RCOR3: variants seen among roughly 807,000 people sequenced by gnomAD.
RCOR3 encodes the protein REST corepressor 3.
RCOR3 carries 13 observed loss-of-function variants against 64.1 expected under a neutral mutation model. That is an observed-to-expected ratio of 0.20 (90% CI 0.13 to 0.32). RCOR3 has a LOEUF of 0.32. Among genes scored for constraint, RCOR3 ranks in the 10% least tolerant of loss-of-function variants. RCOR3 has a pLI of 1.00. For missense variants in RCOR3, 489 were observed against 701.2 expected (o/e 0.70, Z 3.42); for synonymous variants, 215 against 239.0 (o/e 0.90, Z 0.93).
At chr1:211,302,817 G>A (rs1700512443) in intron 9 of RCOR3, 1 of 152,168 alleles carries the variant, frequency 6.6e-6, no homozygotes, top group Non-Finnish European at 1.5e-5. Flanking sequence ...CTTCCTTAGT[G>A]TAAAGTTAGG....
chr1:211,315,310 T>A lies in RCOR3; in HGVS notation c.*1542T>A, dbSNP rs944277711. 6.6e-6 allele frequency: 1 copy of A among 152,228 alleles called. No individual in the cohort carries two copies. The allele number at this position is 152,228 out of a possible 1,614,324, so 9.4% of individuals were successfully genotyped here. On this transcript the variant is annotated 3_prime_UTR_variant, in exon 12 of 12. Coordinates refer to ENST00000419091, the MANE Select transcript of RCOR3 (RefSeq NM_001136223.3). ...TGTGTTCCCAAAGTATTCCCTATTGTTGGCTCCACAGCCTTAAAGTGCTAT... is the reference window on the plus strand; with the variant it reads ...TGTGTTCCCAAAGTATTCCCTATTGATGGCTCCACAGCCTTAAAGTGCTAT...
chr1:211,288,833 CT>C (rs764550992), intron 7 of RCOR3, among the ~76,000 whole-genome samples: 14 of 152,044 alleles, frequency 9.2e-5, no homozygotes, highest in Admixed American at 3.3e-4. Context: ...AATAAGGTGG[CT>C]TTTCCCCCCC....
At chr1:211,291,968 A>T (rs12032988) in intron 8 of RCOR3, among the ~76,000 whole-genome samples, 6,442 of 152,286 alleles carry the variant, frequency 0.042, 344 homozygotes, top group East Asian at 0.26. Context: ...AAAAAATTTT[A>T]AAAATAGCCA....
chr1:211,270,765 T>A (rs765421418), intron 2 of RCOR3, among the ~76,000 whole-genome samples: 3 of 152,202 alleles, frequency 2.0e-5, no homozygotes, highest in Non-Finnish European at 2.9e-5. Flanking sequence ...TTACTATATG[T>A]AATGTAAATC....
At chr1:211,261,372 C>G (rs1287418181) in intron 2 of RCOR3, among the ~76,000 whole-genome samples, 4 of 152,126 alleles carry the variant, frequency 2.6e-5, no homozygotes, top group Non-Finnish European at 5.9e-5. Context: ...TGAGTCGGGA[C>G]AGTCTCATTT....
chr1:211,262,348 G>C (rs1297604391), intron 2 of RCOR3, among the ~76,000 whole-genome samples: 2 of 151,942 alleles, frequency 1.3e-5, no homozygotes, highest in Non-Finnish European at 1.5e-5. Context: ...AAAAACTAAT[G>C]GAATTCTTGC....
intron 6 of RCOR3, among the ~76,000 whole-genome samples, 190 bp from the exon 7 acceptor site, chr1:211,279,048 G>A (rs143602173): frequency 8.6e-5 from 13 of 151,994 alleles, no homozygotes; most frequent in South Asian, 2.1e-4. Context: ...TTAGCCAGGC[G>A]TGGTGCTGGG....
chr1:211,259,932 C>A, intron 1 of RCOR3, 176 bp from the exon 2 acceptor site: 2 of 1,176,086 alleles, frequency 1.7e-6, no homozygotes, highest in East Asian at 2.8e-5. Context: ...TTGCCCCCCC[C>A]CGCTCCCCGC....
At chr1:211,293,158 G>A (rs941507648) in intron 8 of RCOR3, among the ~76,000 whole-genome samples, 3 of 151,520 alleles carry the variant, frequency 2.0e-5, no homozygotes, top group African/African-American at 7.3e-5. Context: ...TTTAATCTCT[G>A]CATACCACTA....
At chr1:211,259,965 G>A (rs1693920048) in intron 1 of RCOR3, 143 bp from the exon 2 acceptor site, 3 of 554,668 alleles carry the variant, frequency 5.4e-6, no homozygotes, top group Non-Finnish European at 6.6e-6. Flanking sequence ...GCCATCTCCC[G>A]GAGTGCCCCG....
At chr1:211,288,936 G>T (rs994371019) in intron 7 of RCOR3, among the ~76,000 whole-genome samples, 1 of 152,008 alleles carries the variant, frequency 6.6e-6, no homozygotes, top group Non-Finnish European at 1.5e-5. Flanking sequence ...AGTCCTCTGG[G>T]CCTAAAAATC....
chr1:211,286,470 G>T (rs1206092319), intron 7 of RCOR3, among the ~76,000 whole-genome samples: 2 of 152,088 alleles, frequency 1.3e-5, no homozygotes, highest in East Asian at 3.9e-4. Flanking sequence ...ACCATGCTCA[G>T]CTTATTTTTC....
intron 9 of RCOR3, among the ~76,000 whole-genome samples, chr1:211,297,344 A>G (rs1483701205): frequency 6.6e-6 from 1 of 152,158 alleles, no homozygotes; most frequent in African/African-American, 2.4e-5. Context: ...CTATTATTTT[A>G]CATGAGGAAA....
At position 211,269,952 on chromosome 1, in the gene RCOR3, A is replaced by G. The variant is rs1009499613; in HGVS notation, c.224-1280A>G. Among the ~76,000 whole-genome samples the G allele has an allele frequency of 2.3e-4, 35 of 152,182 alleles. 1 individual carries two copies. The highest frequency in any genetic ancestry group is 3.2e-3 in the Middle Eastern group (1 of 316). On this transcript the variant is annotated intron_variant, in intron 2 of 11. Transcript: ENST00000419091. ...AGACCAGCCTAGGCAGCATAGCAAG[A>G]CTTCACATGTTTAAAAAGAAAGAAA...
At chr1:211,285,997 GT>G (rs1342885389) in intron 7 of RCOR3, among the ~76,000 whole-genome samples, 1 of 152,020 alleles carries the variant, frequency 6.6e-6, no homozygotes, top group Non-Finnish European at 1.5e-5. Flanking sequence ...TTTTTCTTCT[GT>G]TAAGTATTTG....
At chr1:211,282,541 G>A (rs762256712) in intron 7 of RCOR3, among the ~76,000 whole-genome samples, 2 of 147,438 alleles carry the variant, frequency 1.4e-5, no homozygotes, top group Non-Finnish European at 3.0e-5. Flanking sequence ...TCACTCTGTC[G>A]CCCAGGCTGG....
At chr1:211,282,297 C>A (rs1383901706) in intron 7 of RCOR3, among the ~76,000 whole-genome samples, 5 of 152,138 alleles carry the variant, frequency 3.3e-5, no homozygotes, top group Non-Finnish European at 7.3e-5. Context: ...AATAAGGATA[C>A]CAGGCAGGGA....
chr1:211,292,308 C>T (rs1320803178), intron 8 of RCOR3, among the ~76,000 whole-genome samples: 1 of 152,220 alleles, frequency 6.6e-6, no homozygotes, highest in African/African-American at 2.4e-5. Context: ...AAATGCTTAG[C>T]CTTTAGTCAA....
At chr1:211,279,767 A>G (rs1697513416) in intron 7 of RCOR3, among the ~76,000 whole-genome samples, 1 of 152,188 alleles carries the variant, frequency 6.6e-6, no homozygotes, top group Admixed American at 6.5e-5. Flanking sequence ...TTTGTTTCCC[A>G]GAAACGTGGT....
Sources: gnomAD v4.1 joint callset for allele counts (sites outside exome capture counted in the v4.1 genomes callset) on GRCh38, gnomAD v4.1.1 for gene constraint, MANE v1.5 for transcripts, NCBI Gene and HGNC (gene_info 2026-07-23, HGNC 2026-07-21) for gene names.